ARHGAP24: variants seen among roughly 807,000 people sequenced by gnomAD.
ARHGAP24 encodes the protein rho GTPase-activating protein 24.
ARHGAP24 carries 50 observed loss-of-function variants against 76.4 expected under a neutral mutation model. The observed-to-expected ratio is 0.65, with a 90% CI of 0.52 to 0.83. ARHGAP24 has a LOEUF of 0.83. Among genes scored for constraint, ARHGAP24 ranks in the 40% least tolerant of loss-of-function variants. The pLI, the probability that ARHGAP24 is intolerant of heterozygous loss-of-function variation, is 0.00. For synonymous variants in ARHGAP24, 345 were observed against 323.3 expected, an observed-to-expected ratio of 1.07 and a Z score of -0.72; for missense variants, 930 against 914.2, an observed-to-expected ratio of 1.02 and a Z score of -0.22.
intron 4 of ARHGAP24, among the ~76,000 whole-genome samples, chr4:85,940,514 T>A (rs1276899949): frequency 5.3e-5 from 8 of 152,020 alleles, no homozygotes; most frequent in Non-Finnish European, 1.2e-4. Flanking sequence ...ACCACCCCAC[T>A]GCAAGGGAAA....
At chr4:85,763,979 G>A (rs1031044564) in intron 3 of ARHGAP24, among the ~76,000 whole-genome samples, 10 of 152,054 alleles carry the variant, frequency 6.6e-5, no homozygotes, top group Non-Finnish European at 2.9e-5. Context: ...TAATATCAAT[G>A]TACATATCAT....
intron 2 of ARHGAP24, among the ~76,000 whole-genome samples, chr4:85,600,188 G>A (rs1370492507): frequency 6.6e-6 from 1 of 152,148 alleles, no homozygotes; most frequent in Non-Finnish European, 1.5e-5. Flanking sequence ...GTGGGTTATG[G>A]GCACTGAAAG....
chr4:85,658,522 C>A lies in ARHGAP24; in HGVS notation c.181-63363C>A, dbSNP rs190380097. 2.0e-3 allele frequency among the ~76,000 whole-genome samples: 310 copies of A among 152,284 alleles called. 2 individuals carry two copies. Among genetic ancestry groups the A allele is most frequent in the African/African-American group, 6.7e-3 (279 of 41,560 alleles). Reference sequence around the variant, plus strand: ...CAGCTTCTTATACTGAAATTCTGCTCTGACTGTAGGATCAAGTACACAGTA... The same window carrying A: ...CAGCTTCTTATACTGAAATTCTGCTATGACTGTAGGATCAAGTACACAGTA... On this transcript the variant is annotated intron_variant, in intron 2 of 9. Coordinates refer to ENST00000395184, the MANE Select transcript of ARHGAP24 (RefSeq NM_001025616.3).
At chr4:85,714,743 T>C (rs1402853229) in intron 2 of ARHGAP24, among the ~76,000 whole-genome samples, 2 of 152,096 alleles carry the variant, frequency 1.3e-5, no homozygotes, top group Non-Finnish European at 2.9e-5. Flanking sequence ...GATTCCAAAA[T>C]GGTTACCAAT....
At chr4:85,974,197 G>A (rs904886892) in intron 6 of ARHGAP24, among the ~76,000 whole-genome samples, 1 of 152,018 alleles carries the variant, frequency 6.6e-6, no homozygotes, top group African/African-American at 2.4e-5. Flanking sequence ...TATTCCATTT[G>A]TTAAATAACA....
intron 2 of ARHGAP24, among the ~76,000 whole-genome samples, chr4:85,582,061 T>C (rs936269703): frequency 6.6e-6 from 1 of 152,144 alleles, no homozygotes; most frequent in African/African-American, 2.4e-5. Flanking sequence ...CATAATTCTT[T>C]CAATGAGCTA....
intron 1 of ARHGAP24, among the ~76,000 whole-genome samples, chr4:85,523,519 T>G (rs1724869327): frequency 6.6e-6 from 1 of 152,202 alleles, no homozygotes; most frequent in South Asian, 2.1e-4. Flanking sequence ...TAAATGTTTA[T>G]TATTTGTGCA....
At chr4:85,618,826 T>C (rs1720618714) in intron 2 of ARHGAP24, among the ~76,000 whole-genome samples, 1 of 151,266 alleles carries the variant, frequency 6.6e-6, no homozygotes, top group African/African-American at 2.5e-5. Flanking sequence ...ATTGAGTAAT[T>C]TGTTTTCTTT....
intron 3 of ARHGAP24, among the ~76,000 whole-genome samples, chr4:85,912,649 A>G (rs1735152803): frequency 6.6e-6 from 1 of 152,226 alleles, no homozygotes; most frequent in South Asian, 2.1e-4. Context: ...ATTAGCATCC[A>G]TAGCAGTTAA....
chr4:85,894,273 T>C (rs1232203503), intron 3 of ARHGAP24, among the ~76,000 whole-genome samples: 2 of 152,020 alleles, frequency 1.3e-5, no homozygotes, highest in Non-Finnish European at 2.9e-5. Flanking sequence ...CCAGGGTTAA[T>C]GACCAAGCTT....
At chr4:85,925,190 T>C (rs1281708849) in intron 4 of ARHGAP24, among the ~76,000 whole-genome samples, 1 of 152,194 alleles carries the variant, frequency 6.6e-6, no homozygotes, top group Non-Finnish European at 1.5e-5. Flanking sequence ...ATATAAACGA[T>C]TCACAAGATT....
chr4:85,578,364 C>A (rs758367017), intron 2 of ARHGAP24, among the ~76,000 whole-genome samples: 1 of 152,092 alleles, frequency 6.6e-6, no homozygotes, highest in Non-Finnish European at 1.5e-5. Context: ...GGAGAGGGCA[C>A]CTGAGATGGA....
At chr4:85,930,729 A>C in intron 4 of ARHGAP24, 1 of 1,285,920 alleles carries the variant, frequency 7.8e-7, no homozygotes, top group Admixed American at 3.9e-5. Context: ...GAGAAAAGGA[A>C]GTTTTTTTTT....
intron 3 of ARHGAP24, among the ~76,000 whole-genome samples, chr4:85,868,979 A>G (rs1732366680): frequency 6.6e-6 from 1 of 151,918 alleles, no homozygotes; most frequent in Non-Finnish European, 1.5e-5. Context: ...TATATCATAT[A>G]TCTATCATAC....
At chr4:85,966,526 G>T (rs1433736808) in intron 5 of ARHGAP24, among the ~76,000 whole-genome samples, 1 of 152,130 alleles carries the variant, frequency 6.6e-6, no homozygotes, top group East Asian at 1.9e-4. Flanking sequence ...AAGTGCATCT[G>T]TTTTGACAGA....
chr4:85,601,534 C>T (rs1054278713), intron 2 of ARHGAP24, among the ~76,000 whole-genome samples: 10 of 152,060 alleles, frequency 6.6e-5, no homozygotes, highest in Admixed American at 1.3e-4. Context: ...GGCTTCTACG[C>T]GCTAGATGCT....
chr4:85,578,192 T>C (rs1253411467), intron 2 of ARHGAP24, among the ~76,000 whole-genome samples: 2 of 152,232 alleles, frequency 1.3e-5, no homozygotes, highest in African/African-American at 4.8e-5. Context: ...TTGACTATTT[T>C]ATATTATTAT....
At chr4:85,984,040 A>G (rs1178835018) in intron 8 of ARHGAP24, among the ~76,000 whole-genome samples, 3 of 152,258 alleles carry the variant, frequency 2.0e-5, no homozygotes, top group African/African-American at 4.8e-5. Flanking sequence ...TTTGCCCTAC[A>G]GGAACTTACA....
chr4:85,518,545 G>A lies in ARHGAP24; in HGVS notation c.-21+42986G>A, dbSNP rs991528180. Among the ~76,000 whole-genome samples, 8 of 152,028 alleles carry A rather than the reference G, an allele frequency of 5.3e-5. No homozygotes were observed. In the East Asian group the frequency reaches 1.6e-3, roughly 29 times the overall value. ...CCATTCTTCCCCCCAAGTTTCCAAA[G>A]TTTATTGTATTATTCTTTTGCCTTT... On this transcript the variant is annotated intron_variant, in intron 1 of 9. Coordinates refer to ENST00000395184, the MANE Select transcript of ARHGAP24 (RefSeq NM_001025616.3).
Sources: allele counts gnomAD v4.1 joint callset (sites outside exome capture counted in the v4.1 genomes callset), GRCh38; gene constraint gnomAD v4.1.1; transcripts MANE v1.5; gene names NCBI Gene and HGNC (gene_info 2026-07-23, HGNC 2026-07-21).